Variants in FBXO11 observed in about 807,000 individuals in gnomAD.
FBXO11 encodes the protein F-box protein 11.
In FBXO11, 13 loss-of-function variants were observed where a neutral mutation model predicts 117.0. The ratio of observed to expected loss-of-function variants is 0.11; its 90% CI spans 0.07 to 0.18. The LOEUF is 0.18. FBXO11 is among the 10% of genes least tolerant of loss of function. FBXO11 has a pLI of 1.00. For synonymous variants in FBXO11, 490 were observed against 380.5 expected, an observed-to-expected ratio of 1.29 and a Z score of -3.35; for missense variants, 767 against 1,164.4, an observed-to-expected ratio of 0.66 and a Z score of 4.97.
chr2:47,876,095 G>A (rs919382598), intron 1 of FBXO11, among the ~76,000 whole-genome samples: 6 of 152,182 alleles, frequency 3.9e-5, no homozygotes, highest in Admixed American at 1.3e-4. Context: ...CAGTTAGTAA[G>A]AAATAAGCTA....
intron 1 of FBXO11, among the ~76,000 whole-genome samples, chr2:47,843,777 G>T (rs1394234757): frequency 2.0e-5 from 3 of 151,984 alleles, no homozygotes; most frequent in Non-Finnish European, 2.9e-5. Context: ...GTCTTGCTCT[G>T]TTGCCCAGGT....
intron 18 of FBXO11, among the ~76,000 whole-genome samples, chr2:47,812,348 G>A (rs534017803): frequency 6.6e-6 from 1 of 152,136 alleles, no homozygotes; most frequent in East Asian, 1.9e-4. Flanking sequence ...TGGTCTGTTC[G>A]CCTCTCCCAA....
chr2:47,897,197 C>T (rs1277449096), intron 1 of FBXO11, among the ~76,000 whole-genome samples: 1 of 152,080 alleles, frequency 6.6e-6, no homozygotes, highest in Admixed American at 6.5e-5. Flanking sequence ...GCCACATGTT[C>T]TTATATACAG....
intron 1 of FBXO11, among the ~76,000 whole-genome samples, chr2:47,846,000 G>C (rs1282049085): frequency 6.6e-6 from 1 of 152,014 alleles, no homozygotes; most frequent in Non-Finnish European, 1.5e-5. Flanking sequence ...TTATGGAGAA[G>C]TATTCCCCCA....
intron 1 of FBXO11, among the ~76,000 whole-genome samples, chr2:47,892,857 G>A (rs746529071): frequency 3.3e-5 from 5 of 150,908 alleles, no homozygotes; most frequent in Admixed American, 6.6e-5. Context: ...TTATCTAGGC[G>A]TTTTTTTTTA....
At chr2:47,895,838 A>G (rs1677619798) in intron 1 of FBXO11, among the ~76,000 whole-genome samples, 1 of 152,072 alleles carries the variant, frequency 6.6e-6, no homozygotes, top group South Asian at 2.1e-4. Flanking sequence ...GATTACAGGC[A>G]TCTGCCACCA....
At chr2:47,836,387 GA>G in intron 4 of FBXO11, among the ~76,000 whole-genome samples, 1 of 151,372 alleles carries the variant, frequency 6.6e-6, no homozygotes, top group South Asian at 2.1e-4. Flanking sequence ...TTTTTTCTTT[GA>G]GACATAGTCT....
chr2:47,857,634 G>C (rs1305303636), intron 1 of FBXO11, among the ~76,000 whole-genome samples: 1 of 152,120 alleles, frequency 6.6e-6, no homozygotes, highest in Non-Finnish European at 1.5e-5. Context: ...GATAAGGACA[G>C]ACCATGAAAC....
At chr2:47,892,750 C>T (rs1677351522) in intron 1 of FBXO11, among the ~76,000 whole-genome samples, 1 of 151,834 alleles carries the variant, frequency 6.6e-6, no homozygotes, top group Admixed American at 6.6e-5. Context: ...GATACATGGC[C>T]AAAACAATGA....
At chr2:47,837,376 A>C (rs1048731382) in intron 4 of FBXO11, among the ~76,000 whole-genome samples, 1 of 152,198 alleles carries the variant, frequency 6.6e-6, no homozygotes, top group African/African-American at 2.4e-5. Flanking sequence ...AAAATACAAA[A>C]AATAGCTGGG....
intron 1 of FBXO11, among the ~76,000 whole-genome samples, chr2:47,901,692 C>G (rs1001811019): frequency 1.4e-4 from 22 of 152,064 alleles, no homozygotes; most frequent in Non-Finnish European, 2.6e-4. Flanking sequence ...TTAATTTTAA[C>G]AACTAAAATC....
chr2:47,844,086 C>T (rs972239272), intron 1 of FBXO11, among the ~76,000 whole-genome samples: 1 of 152,176 alleles, frequency 6.6e-6, no homozygotes, highest in Non-Finnish European at 1.5e-5. Flanking sequence ...TTTTGCTTTT[C>T]AGCCAAGGCA....
At position 47,849,469 on chromosome 2, in the gene FBXO11, C is replaced by T. The variant is rs138043846; in HGVS notation, c.233-9700G>A. Among the ~76,000 whole-genome samples the T allele has an allele frequency of 1.2e-3, 188 of 152,282 alleles. 1 individual carries two copies. The highest frequency in any genetic ancestry group is 4.2e-3 in the African/African-American group (176 of 41,560). ...AAATGACTTAAAAAATGTGCATTTT[C>T]GTTACTTAGTAACAATCTTCAAAAG... On this transcript the variant is annotated intron_variant, in intron 1 of 22. Transcript: ENST00000403359.
At chr2:47,825,830 G>A (rs1460095274) in intron 11 of FBXO11, among the ~76,000 whole-genome samples, 6 of 151,904 alleles carry the variant, frequency 3.9e-5, no homozygotes, top group African/African-American at 1.5e-4. Context: ...TCCCGCCTTG[G>A]CCTCTCAAAG....
In FBXO11 at chr2:47,834,794, A is replaced by G; in HGVS notation, c.795T>C (p.Asn265=). ...AAATAAAAATCAAACATACCAACAT[A>G]TTTTCTCTTCCTTTATATCTTGCAG... ...SNPARYKGRE[N]MLYYDTIEDA... Residue 265 remains asparagine (N), a synonymous_variant, in exon 6 of 23, where the codon AAT becomes AAC. Transcript: ENST00000403359. The G allele has an allele frequency of 6.2e-7, 1 of 1,612,598 alleles. No individual in the cohort carries two copies. The highest frequency in any genetic ancestry group is 8.5e-7 in the Non-Finnish European group (1 of 1,179,332).
At chr2:47,868,617 A>G (rs912920229) in intron 1 of FBXO11, among the ~76,000 whole-genome samples, 1 of 152,176 alleles carries the variant, frequency 6.6e-6, no homozygotes, top group Admixed American at 6.5e-5. Flanking sequence ...CCAGTTCCCC[A>G]ACCATTGTTG....
At chr2:47,857,451 T>C (rs1425808561) in intron 1 of FBXO11, among the ~76,000 whole-genome samples, 1 of 152,140 alleles carries the variant, frequency 6.6e-6, no homozygotes, top group African/African-American at 2.4e-5. Flanking sequence ...CAGACATACA[T>C]ATAGCTATAC....
chr2:47,841,129 C>T (rs1329289116), intron 1 of FBXO11, among the ~76,000 whole-genome samples: 2 of 151,400 alleles, frequency 1.3e-5, no homozygotes, highest in Admixed American at 6.6e-5. Context: ...ACCCGGGAGG[C>T]AGAGCTTGCA....
intron 1 of FBXO11, among the ~76,000 whole-genome samples, chr2:47,860,242 C>A (rs112679263): frequency 2.0e-5 from 3 of 152,264 alleles, no homozygotes; most frequent in African/African-American, 7.2e-5. Context: ...ATTTTTATCA[C>A]TGTGCCCTGA....
Sources: gnomAD v4.1 joint callset for allele counts (sites outside exome capture counted in the v4.1 genomes callset) on GRCh38, gnomAD v4.1.1 for gene constraint, MANE v1.5 for transcripts, NCBI Gene and HGNC (gene_info 2026-07-23, HGNC 2026-07-21) for gene names.